DPF3: variants seen among roughly 807,000 people sequenced by gnomAD.
The protein encoded by DPF3 is zinc finger protein DPF3.
In DPF3, 18 loss-of-function variants were observed where a neutral mutation model predicts 56.8. The ratio of observed to expected loss-of-function variants is 0.32; its 90% CI spans 0.22 to 0.47. The LOEUF (loss-of-function observed/expected upper bound fraction) is 0.47. Ranked by LOEUF, DPF3 falls within the 20% of genes least tolerant of loss-of-function variation. The probability of loss-of-function intolerance (pLI) is 1.00; values close to 1 mark genes in which losing one functional copy is unlikely to be tolerated. For missense variants in DPF3, 403 were observed against 488.8 expected, an observed-to-expected ratio of 0.82 and a Z score of 1.65; for synonymous variants, 188 against 180.2, an observed-to-expected ratio of 1.04 and a Z score of -0.35.
chr14:72,671,394 A>G, intron 8 of DPF3: 1 of 1,596,328 alleles, frequency 6.3e-7, no homozygotes, highest in East Asian at 2.2e-5. Context: ...CAGCATTATT[A>G]ATATTCTCAT....
intron 1 of DPF3, among the ~76,000 whole-genome samples, chr14:72,868,717 G>C (rs1437949899): frequency 6.6e-6 from 1 of 152,306 alleles, no homozygotes; most frequent in East Asian, 1.9e-4. Context: ...GTGTCCATCA[G>C]AATGACAGGA....
chr14:72,838,908 C>CTTTTTTTT lies in DPF3; in HGVS notation c.32+55141_32+55148dup, dbSNP rs376458640. The stretch of plus-strand genomic sequence containing the variant: ...TATCATATATATTATCATATATATT[C>CTTTTTTTT]TTTTTTTTTTTTTTTTTTTTTTTTT... On this transcript the variant is annotated intron_variant, in intron 1 of 10. Coordinates refer to ENST00000556509, the MANE Select transcript of DPF3 (RefSeq NM_001280542.3). Among the ~76,000 whole-genome samples, 13 of 78,588 alleles carry CTTTTTTTT rather than the reference C, an allele frequency of 1.7e-4. 1 individual carries two copies. The highest frequency in any genetic ancestry group is 7.6e-4 in the African/African-American group (11 of 14,412). The allele number at this position is 78,588 out of a possible 152,430, so 51.6% of individuals were successfully genotyped here.
At chr14:72,685,377 C>T (rs1330200915) in intron 7 of DPF3, among the ~76,000 whole-genome samples, 1 of 152,182 alleles carries the variant, frequency 6.6e-6, no homozygotes, top group Non-Finnish European at 1.5e-5. Flanking sequence ...GTTTCCTTGT[C>T]TGTAAAATGA....
chr14:72,770,978 A>AT (rs1555505350), intron 2 of DPF3, among the ~76,000 whole-genome samples: 5,339 of 151,708 alleles, frequency 0.035, 226 homozygotes, highest in African/African-American at 0.1. Flanking sequence ...GGAGTTCGAG[A>AT]CAGCCTGACC....
intron 1 of DPF3, among the ~76,000 whole-genome samples, chr14:72,830,107 CTTTTG>C (rs1242521274): frequency 2.6e-5 from 4 of 152,182 alleles, no homozygotes; most frequent in African/African-American, 4.8e-5. Context: ...GTCTTGCCAA[CTTTTG>C]TTTTAACACC....
intron 3 of DPF3, among the ~76,000 whole-genome samples, chr14:72,739,525 C>T (rs1204661729): frequency 2.6e-5 from 4 of 152,214 alleles, no homozygotes; most frequent in African/African-American, 9.6e-5. Context: ...AGCAAAAAAA[C>T]CCTCACCTTT....
intron 1 of DPF3, among the ~76,000 whole-genome samples, chr14:72,888,987 A>C (rs1886651062): frequency 6.6e-6 from 1 of 152,246 alleles, no homozygotes; most frequent in Admixed American, 6.5e-5. Context: ...TGATCAAAAC[A>C]AAACATGCTG....
chr14:72,841,318 A>C (rs908805615), intron 1 of DPF3, among the ~76,000 whole-genome samples: 2 of 152,230 alleles, frequency 1.3e-5, no homozygotes, highest in Non-Finnish European at 2.9e-5. Flanking sequence ...GGTTGTTTAC[A>C]AGGAAAACTT....
chr14:72,857,679 T>C (rs759359062), intron 1 of DPF3, among the ~76,000 whole-genome samples: 64 of 152,180 alleles, frequency 4.2e-4, no homozygotes, highest in Non-Finnish European at 4.9e-4. Flanking sequence ...CTCCGCCTCC[T>C]GGGTTCAAGC....
At chr14:72,687,961 G>A (rs1457686965) in intron 7 of DPF3, among the ~76,000 whole-genome samples, 3 of 151,696 alleles carry the variant, frequency 2.0e-5, no homozygotes, top group African/African-American at 4.8e-5. Flanking sequence ...AAAGTACCCT[G>A]TGCCCTTGAG....
chr14:72,757,654 A>G (rs1890892948), intron 2 of DPF3, among the ~76,000 whole-genome samples: 1 of 152,170 alleles, frequency 6.6e-6, no homozygotes, highest in Non-Finnish European at 1.5e-5. Flanking sequence ...ATACAATATA[A>G]TACCTATTTA....
chr14:72,684,875 G>A (rs1160636475), intron 7 of DPF3, among the ~76,000 whole-genome samples: 1 of 152,168 alleles, frequency 6.6e-6, no homozygotes, highest in Non-Finnish European at 1.5e-5. Flanking sequence ...TCATGAGGGT[G>A]GGGTCCTCGT....
intron 1 of DPF3, among the ~76,000 whole-genome samples, chr14:72,882,492 G>GT (rs35328683): frequency 1.4e-4 from 21 of 152,138 alleles, no homozygotes; most frequent in Non-Finnish European, 2.5e-4. Flanking sequence ...GGGGGAAAGT[G>GT]TTTTTTTCTC....
intron 10 of DPF3, among the ~76,000 whole-genome samples, chr14:72,619,683 C>T (rs1348849537): frequency 6.6e-6 from 1 of 152,200 alleles, no homozygotes; most frequent in Admixed American, 6.5e-5. Flanking sequence ...ACTTCCTTGG[C>T]CCTCAAGTTG....
At chr14:72,631,267 C>T (rs929588576) in intron 8 of DPF3, among the ~76,000 whole-genome samples, 7 of 152,140 alleles carry the variant, frequency 4.6e-5, no homozygotes, top group Admixed American at 1.3e-4. Flanking sequence ...TAGAGACTTC[C>T]GCAGCTCTGA....
intron 8 of DPF3, among the ~76,000 whole-genome samples, chr14:72,656,877 A>C (rs1238153566): frequency 6.6e-6 from 1 of 152,184 alleles, no homozygotes; most frequent in Non-Finnish European, 1.5e-5. Flanking sequence ...GCATCTCTTC[A>C]ATAAACTTAG....
chr14:72,764,411 C>A (rs1891179249), intron 2 of DPF3, among the ~76,000 whole-genome samples: 1 of 150,762 alleles, frequency 6.6e-6, no homozygotes, highest in South Asian at 2.1e-4. Flanking sequence ...TGTACCTCTT[C>A]CATTTGGCTG....
chr14:72,663,539 C>G (rs1018487826), intron 8 of DPF3, among the ~76,000 whole-genome samples: 2 of 152,196 alleles, frequency 1.3e-5, no homozygotes, highest in East Asian at 1.9e-4. Context: ...CACAGGTGGG[C>G]CCTTTTGCCT....
intron 1 of DPF3, among the ~76,000 whole-genome samples, chr14:72,859,426 ACTAT>A (rs1350295461): frequency 2.0e-5 from 3 of 148,474 alleles, no homozygotes; most frequent in African/African-American, 7.4e-5. Flanking sequence ...CTCTTCTTTG[ACTAT>A]CTATCACAGT....
Sources: gnomAD v4.1 joint callset for allele counts (sites outside exome capture counted in the v4.1 genomes callset) on GRCh38, gnomAD v4.1.1 for gene constraint, MANE v1.5 for transcripts, NCBI Gene and HGNC (gene_info 2026-07-23, HGNC 2026-07-21) for gene names.